Variants in FBRSL1 observed in about 807,000 individuals in gnomAD.
FBRSL1 encodes fibrosin-1-like protein.
In FBRSL1, 51 loss-of-function variants were observed where a neutral mutation model predicts 89.6. That is an observed-to-expected ratio of 0.57 (90% confidence interval 0.45 to 0.72). The LOEUF is 0.72. FBRSL1 is among the 30% of genes least tolerant of loss of function. The pLI, the probability that FBRSL1 is intolerant of heterozygous loss-of-function variation, is 0.00. For synonymous variants in FBRSL1, 779 were observed against 681.1 expected (o/e 1.14, Z -2.24); for missense variants, 1,618 against 1,451.8 (o/e 1.11, Z -1.86).
chr12:132,540,925 C>T (rs1211053338), intron 4 of FBRSL1, among the ~76,000 whole-genome samples: 1 of 152,228 alleles, frequency 6.6e-6, no homozygotes, highest in African/African-American at 2.4e-5. Context: ...ACCTCTGCTT[C>T]CTCACCTATG....
In FBRSL1 at chr12:132,546,460, AC is replaced by A. The variant is rs1421794026; in HGVS notation, c.616-1541del. On this transcript the variant is annotated intron_variant, in intron 4 of 18. Transcript: ENST00000680143. This position sits in a 1 kb window ranked among gnomAD's most constrained non-coding sequence, Gnocchi z 4.0. ...CTCTACCTCTCACCCTGAAGGCCAGACCGGGGGAACCCTAGGAGAGGGCTTG... is the reference window on the plus strand; with the variant it reads ...CTCTACCTCTCACCCTGAAGGCCAGACGGGGGAACCCTAGGAGAGGGCTTG... Among the ~76,000 whole-genome samples, 1 of 151,800 alleles carries A rather than the reference AC, an allele frequency of 6.6e-6. No homozygotes were observed. Among genetic ancestry groups the A allele is most frequent in the Non-Finnish European group, 1.5e-5 (1 of 67,982 alleles).
intron 1 of FBRSL1, among the ~76,000 whole-genome samples, chr12:132,503,246 C>G (rs2033251871): frequency 6.6e-6 from 1 of 152,182 alleles, no homozygotes; most frequent in African/African-American, 2.4e-5. Context: ...CCTGCAGGGG[C>G]AGCCCAGCTC....
chr12:132,506,818 G>A (rs2033741684), intron 1 of FBRSL1, among the ~76,000 whole-genome samples: 1 of 152,270 alleles, frequency 6.6e-6, no homozygotes, highest in African/African-American at 2.4e-5. Context: ...GCCTTGAGTG[G>A]TGGCTCTGCA....
At chr12:132,548,499 C>T (rs1339403337) in intron 5 of FBRSL1, among the ~76,000 whole-genome samples, 2 of 152,214 alleles carry the variant, frequency 1.3e-5, no homozygotes, top group Non-Finnish European at 2.9e-5. Flanking sequence ...CACAGTCACC[C>T]TCAGTGCTCA....
At position 132,582,967 on chromosome 12, in the gene FBRSL1, C is replaced by G; in HGVS notation, c.2202-4C>G. On this transcript the variant is annotated splice_polypyrimidine_tract_variant and splice_region_variant and intron_variant, in intron 18 of 18. Coordinates refer to ENST00000680143, the MANE Select transcript of FBRSL1 (RefSeq NM_001367871.1). ...GAGTGACGGGTCCGCCCTGCCGCCC[C>G]CAGGGACCTCCTGGAGAAGACGCGC... The G allele has an allele frequency of 2.8e-6, 4 of 1,416,698 alleles. No individual in the cohort carries two copies. The highest frequency in any genetic ancestry group is 3.7e-6 in the Non-Finnish European group (4 of 1,094,546). The allele number at this position is 1,416,698 out of a possible 1,614,324, so 87.8% of individuals were successfully genotyped here. A position where few individuals can be genotyped will look rare whatever the true frequency, so the allele number is the denominator to read the frequency against.
intron 5 of FBRSL1, among the ~76,000 whole-genome samples, chr12:132,562,988 GGCCCCCACAGCCTGCACC>G (rs1246850792): frequency 2.0e-5 from 2 of 97,824 alleles, no homozygotes; most frequent in East Asian, 6.2e-4. Flanking sequence ...CGCCACACCT[GGCCCCCACAGCCTGCACC>G]CCACACCTGG....
At chr12:132,490,908 C>G in intron 1 of FBRSL1, 47 bp downstream of exon 1, 2 of 1,185,382 alleles carry the variant, frequency 1.7e-6, no homozygotes, top group Non-Finnish European at 2.1e-6. Context: ...GAGAACGGGG[C>G]CCGGAGTTGA....
intron 9 of FBRSL1, chr12:132,571,847 G>A: frequency 3.0e-6 from 1 of 331,732 alleles, no homozygotes; most frequent in African/African-American, 2.2e-5. Flanking sequence ...CAGGGACCAT[G>A]ACTCAGGGTG....
Position 132,514,454 on chromosome 12 carries a change from C to G in FBRSL1, c.489+6104C>G, listed in dbSNP as rs184794670. ...ACTGGCATTGACCAGGCCGAGGCCA[C>G]CGGCCATCCTCCTCCGGCCAGAAGC... On this transcript the variant is annotated intron_variant, in intron 2 of 18. Coordinates refer to ENST00000680143, the MANE Select transcript of FBRSL1 (RefSeq NM_001367871.1). Among the ~76,000 whole-genome samples, 3 of 152,332 alleles carry G rather than the reference C, an allele frequency of 2.0e-5. No homozygotes were observed. In the East Asian group the frequency reaches 5.8e-4, roughly 29 times the overall value.
intron 5 of FBRSL1, among the ~76,000 whole-genome samples, chr12:132,564,645 G>C: frequency 8.2e-6 from 1 of 122,668 alleles, no homozygotes; most frequent in Middle Eastern, 3.7e-3. Context: ...ACAGGCGCCC[G>C]CCACCACGCC....
intron 2 of FBRSL1, among the ~76,000 whole-genome samples, chr12:132,520,469 C>T (rs1335130242): frequency 6.6e-6 from 1 of 152,200 alleles, no homozygotes; most frequent in African/African-American, 2.4e-5. Context: ...TGGAGCAGCA[C>T]CAGTGACTGC....
chr12:132,560,552 C>T (rs2039033060), intron 5 of FBRSL1, among the ~76,000 whole-genome samples: 1 of 152,152 alleles, frequency 6.6e-6, no homozygotes, highest in South Asian at 2.1e-4. Context: ...GGGTTCCCGG[C>T]GCCGCGCTCA....
At position 132,536,554 on chromosome 12, in the gene FBRSL1, AGTGT is replaced by A. The variant is rs999755869; in HGVS notation, c.615+8572_615+8575del. ...ATGGTGTGTGCTATGTGTACATGAC[AGTGT>A]GTGTGCCATGTGTACATCACAGTGT... On this transcript the variant is annotated intron_variant, in intron 4 of 18. Coordinates refer to ENST00000680143, the MANE Select transcript of FBRSL1 (RefSeq NM_001367871.1). Among the ~76,000 whole-genome samples the A allele has an allele frequency of 4.1e-5, 6 of 146,364 alleles. No individual in the cohort carries two copies. In the South Asian group the frequency reaches 6.7e-4, roughly 16 times the overall value.
chr12:132,549,545 G>C (rs929266564), intron 5 of FBRSL1, among the ~76,000 whole-genome samples: 2 of 152,174 alleles, frequency 1.3e-5, no homozygotes, highest in African/African-American at 4.8e-5. Flanking sequence ...GCAGTTTTTG[G>C]GGAAGACACC....
chr12:132,525,784 C>A lies in FBRSL1; in HGVS notation c.540C>A (p.Ser180Arg). The change falls in exon 3 of 19, where the codon AGC becomes AGA. Residue 180 changes from serine to arginine, a missense_variant. Coordinates refer to ENST00000680143, the MANE Select transcript of FBRSL1 (RefSeq NM_001367871.1). ...GCGACCGGGACAGTGACGACGACAG[C>A]GTCCTCGAAGCCACCAGCTCCCGGG... ...KGGDRDSDDDSVLEATSSRDP... is the reference protein window; with the variant it reads ...KGGDRDSDDDRVLEATSSRDP... 6.5e-7 allele frequency: 1 copy of A among 1,549,838 alleles called. No homozygotes were observed. Among genetic ancestry groups the A allele is most frequent in the Non-Finnish European group, 8.7e-7 (1 of 1,146,294 alleles).
chr12:132,561,474 C>T (rs2039120756), intron 5 of FBRSL1, among the ~76,000 whole-genome samples: 1 of 152,138 alleles, frequency 6.6e-6, no homozygotes. Context: ...CCTGTGGTTA[C>T]CCTAGAGACG....
intron 4 of FBRSL1, among the ~76,000 whole-genome samples, chr12:132,537,424 C>T (rs952498415): frequency 1.3e-5 from 2 of 152,062 alleles, no homozygotes; most frequent in African/African-American, 2.4e-5. Flanking sequence ...AACCCAGAGG[C>T]AGCTGTGGTG....
intron 5 of FBRSL1, among the ~76,000 whole-genome samples, chr12:132,550,105 C>G (rs577871560): frequency 2.8e-4 from 43 of 151,438 alleles, no homozygotes; most frequent in Non-Finnish European, 6.0e-4. Flanking sequence ...TTCCTGCACA[C>G]AGAGGGTCCC....
chr12:132,510,679 AAG>A (rs1236645602), intron 2 of FBRSL1: 16 of 1,226,854 alleles, frequency 1.3e-5, no homozygotes, highest in Non-Finnish European at 1.6e-5. Context: ...CCACACCAGG[AAG>A]AGAGATGAAC....
Sources: allele counts gnomAD v4.1 joint callset (sites outside exome capture counted in the v4.1 genomes callset), GRCh38; gene constraint gnomAD v4.1.1; non-coding constraint Gnocchi (gnomAD v3.1); transcripts MANE v1.5; gene names NCBI Gene and HGNC (gene_info 2026-07-23, HGNC 2026-07-21).